The following ANO4 variants were observed in gnomAD, a reference collection of about 807,000 sequenced individuals.
The protein encoded by ANO4 is anoctamin 4, also known as anoctamin-4.
ANO4 carries 69 observed loss-of-function variants against 141.9 expected under a neutral mutation model. The observed-to-expected ratio is 0.49, with a 90% CI of 0.40 to 0.59. The LOEUF is 0.59. Among genes scored for constraint, ANO4 ranks in the 20% least tolerant of loss-of-function variants. The pLI is 0.00. For synonymous variants in ANO4, 350 were observed against 394.3 expected, an observed-to-expected ratio of 0.89 and a Z score of 1.33; for missense variants, 894 against 1,162.2, an observed-to-expected ratio of 0.77 and a Z score of 3.36.
At chr12:100,742,707 G>T (rs1008219547) in intron 3 of ANO4, among the ~76,000 whole-genome samples, 1 of 152,120 alleles carries the variant, frequency 6.6e-6, no homozygotes, top group Non-Finnish European at 1.5e-5. Context: ...CCACCATTCT[G>T]CAGTCCTAGA....
intron 8 of ANO4, among the ~76,000 whole-genome samples, chr12:101,010,381 ACT>A (rs2046036079): frequency 6.6e-6 from 1 of 152,186 alleles, no homozygotes; most frequent in Non-Finnish European, 1.5e-5. Context: ...AAGGAAAATG[ACT>A]CACAGTCCTT....
exon 3 of ANO4, chr12:100,740,076 G>T (rs1411486900): frequency 2.8e-6 from 2 of 702,450 alleles, no homozygotes; most frequent in Non-Finnish European, 5.2e-6. Context: ...AGCAGTAGCA[G>T]CCAGGAAACC....
intron 14 of ANO4, among the ~76,000 whole-genome samples, chr12:101,058,179 T>C (rs2048202813): frequency 6.6e-6 from 1 of 152,162 alleles, no homozygotes; most frequent in Non-Finnish European, 1.5e-5. Flanking sequence ...TGTAGAAATG[T>C]GGCGTTATTT....
chr12:101,050,820 A>G (rs1464659270), intron 14 of ANO4, among the ~76,000 whole-genome samples: 1 of 152,148 alleles, frequency 6.6e-6, no homozygotes, highest in African/African-American at 2.4e-5. Context: ...CCAGCCTCAG[A>G]AGCCACAAGG....
chr12:100,907,903 G>A (rs2040919187), intron 2 of ANO4, among the ~76,000 whole-genome samples: 1 of 152,200 alleles, frequency 6.6e-6, no homozygotes, highest in Non-Finnish European at 1.5e-5. Flanking sequence ...CGCAGGCAGT[G>A]TAGATTCAGT....
chr12:100,885,294 C>T (rs1565970353), intron 1 of ANO4, among the ~76,000 whole-genome samples: 1 of 152,210 alleles, frequency 6.6e-6, no homozygotes, highest in Non-Finnish European at 1.5e-5. Context: ...ACCACACAAC[C>T]GACATTCAGT....
In ANO4 at chr12:100,967,531, A is replaced by G. The variant is rs1001857484; in HGVS notation, c.457-3775A>G. Among the ~76,000 whole-genome samples the G allele has an allele frequency of 4.6e-5, 7 of 151,594 alleles. No individual in the cohort carries two copies. In the Admixed American group the frequency reaches 4.6e-4, roughly 10 times the overall value. ...CTTGAAAAACTGAATATAAATAATAAGCCCCATACACTATATTTTCCCTTA... is the reference window on the plus strand; with the variant it reads ...CTTGAAAAACTGAATATAAATAATAGGCCCCATACACTATATTTTCCCTTA... On this transcript the variant is annotated intron_variant, in intron 5 of 27. Transcript: ENST00000392977.
intron 3 of ANO4, among the ~76,000 whole-genome samples, chr12:100,741,531 C>T (rs977364111): frequency 3.9e-5 from 6 of 152,128 alleles, no homozygotes; most frequent in African/African-American, 1.4e-4. Flanking sequence ...TCCTGCGGTT[C>T]ACAAACATAC....
chr12:100,762,338 G>A (rs947543527), intron 3 of ANO4, among the ~76,000 whole-genome samples: 2 of 152,074 alleles, frequency 1.3e-5, no homozygotes, highest in African/African-American at 2.4e-5. Context: ...TTCCCTCTGC[G>A]CTTTCCATCC....
intron 26 of ANO4, among the ~76,000 whole-genome samples, chr12:101,121,808 G>A (rs1001155175): frequency 2.1e-5 from 3 of 145,068 alleles, no homozygotes; most frequent in African/African-American, 5.2e-5. Context: ...TGTCGCCCAG[G>A]CTGGAGTGCA....
intron 1 of ANO4, among the ~76,000 whole-genome samples, chr12:100,807,300 G>A (rs2035118502): frequency 6.6e-6 from 1 of 152,132 alleles, no homozygotes; most frequent in African/African-American, 2.4e-5. Context: ...ATCCCCTTAT[G>A]TAGTTAGAAC....
At chr12:101,052,784 A>G (rs1461637903) in intron 14 of ANO4, among the ~76,000 whole-genome samples, 3 of 152,272 alleles carry the variant, frequency 2.0e-5, no homozygotes, top group East Asian at 3.8e-4. Flanking sequence ...CATTTACTAA[A>G]GGCCTACCAT....
intron 14 of ANO4, among the ~76,000 whole-genome samples, chr12:101,052,731 A>G (rs1044126501): frequency 6.6e-6 from 1 of 151,052 alleles, no homozygotes; most frequent in African/African-American, 2.5e-5. Flanking sequence ...TCTTATCTAC[A>G]TGTTCCACAA....
intron 1 of ANO4, among the ~76,000 whole-genome samples, chr12:100,838,309 G>T (rs1374605765): frequency 6.6e-6 from 1 of 151,128 alleles, no homozygotes; most frequent in Non-Finnish European, 1.5e-5. Context: ...GACTAAAACT[G>T]AATGGGGGTA....
intron 3 of ANO4, among the ~76,000 whole-genome samples, chr12:100,783,000 ATTG>A (rs1412368034): frequency 6.6e-6 from 1 of 152,184 alleles, no homozygotes; most frequent in African/African-American, 2.4e-5. Flanking sequence ...GATTACTTTC[ATTG>A]TTAACAGAAT....
intron 1 of ANO4, among the ~76,000 whole-genome samples, chr12:100,880,565 A>T (rs1362154482): frequency 6.6e-6 from 1 of 152,212 alleles, no homozygotes; most frequent in Non-Finnish European, 1.5e-5. Flanking sequence ...GTTAATTTAT[A>T]CAATAATACA....
intron 1 of ANO4, among the ~76,000 whole-genome samples, chr12:100,725,791 A>G: frequency 6.6e-6 from 1 of 152,210 alleles, no homozygotes; most frequent in Non-Finnish European, 1.5e-5. Context: ...GAAGATGAAT[A>G]ACTTAAAACA....
intron 8 of ANO4, among the ~76,000 whole-genome samples, chr12:101,016,258 G>A (rs764394714): frequency 1.4e-4 from 21 of 152,098 alleles, no homozygotes; most frequent in Non-Finnish European, 2.5e-4. Flanking sequence ...TCCTGGTGAG[G>A]ACTTAGGAAG....
intron 3 of ANO4, among the ~76,000 whole-genome samples, chr12:100,750,125 TTTTTTCTTTTTTC>T (rs2032306035): frequency 6.6e-6 from 1 of 151,738 alleles, no homozygotes; most frequent in African/African-American, 2.4e-5. Flanking sequence ...ATTTCTTTTT[TTTTTTCTTTTTTC>T]TTTTTCTTTT....
Sources: gnomAD v4.1 joint callset for allele counts (sites outside exome capture counted in the v4.1 genomes callset) on GRCh38, gnomAD v4.1.1 for gene constraint, MANE v1.5 for transcripts, NCBI Gene and HGNC (gene_info 2026-07-23, HGNC 2026-07-21) for gene names.